FNDC3A: variants seen among roughly 807,000 people sequenced by gnomAD.
FNDC3A encodes the protein fibronectin type III domain containing 3A.
A neutral mutation model predicts 148.9 loss-of-function variants in FNDC3A; 32 were observed. The observed-to-expected ratio is 0.21, with a 90% CI of 0.16 to 0.29. The LOEUF (loss-of-function observed/expected upper bound fraction) is 0.29. FNDC3A is among the 10% of genes least tolerant of loss of function. The probability of loss-of-function intolerance (pLI) is 1.00; values close to 1 mark genes in which losing one functional copy is unlikely to be tolerated. For missense variants in FNDC3A, 1,191 were observed against 1,452.8 expected (o/e 0.82, Z 2.93); for synonymous variants, 472 against 473.6 (o/e 1.00, Z 0.04).
chr13:49,193,686 A>G (rs1886006284), intron 19 of FNDC3A, among the ~76,000 whole-genome samples: 1 of 152,202 alleles, frequency 6.6e-6, no homozygotes, highest in Non-Finnish European at 1.5e-5. Context: ...TTGGGAGGCC[A>G]AGGTGGGTGG....
chr13:49,117,634 G>A (rs1184426620), intron 4 of FNDC3A, among the ~76,000 whole-genome samples: 2 of 151,620 alleles, frequency 1.3e-5, no homozygotes, highest in East Asian at 1.9e-4. Flanking sequence ...TACTGAACAC[G>A]TACAGACTTT....
At chr13:48,979,150 A>G (rs1951655312) in intron 1 of FNDC3A, among the ~76,000 whole-genome samples, 1 of 152,030 alleles carries the variant, frequency 6.6e-6, no homozygotes, top group Non-Finnish European at 1.5e-5. Context: ...TTTTTCCTCC[A>G]AGATTGAGAA....
intron 2 of FNDC3A, among the ~76,000 whole-genome samples, chr13:49,018,719 C>G (rs1873036482): frequency 6.6e-6 from 1 of 152,262 alleles, no homozygotes; most frequent in Non-Finnish European, 1.5e-5. Flanking sequence ...TGTTCTTTCC[C>G]CATCTTTGTG....
At chr13:49,119,651 T>C (rs1188883047) in intron 4 of FNDC3A, among the ~76,000 whole-genome samples, 1 of 151,930 alleles carries the variant, frequency 6.6e-6, no homozygotes, top group Non-Finnish European at 1.5e-5. Context: ...ATAAATGACC[T>C]GATAGAGCTG....
intron 3 of FNDC3A, among the ~76,000 whole-genome samples, chr13:49,101,905 G>A (rs774579588): frequency 5.3e-5 from 8 of 151,284 alleles, no homozygotes; most frequent in Middle Eastern, 3.4e-3. Context: ...ACTTAACAGC[G>A]TGGTCCTTGG....
In FNDC3A at chr13:49,208,797, C is replaced by T. The variant is rs1288003132; in HGVS notation, c.*1402C>T. ...ATTTATTATTTGAATTTTAGGATAG[C>T]GAATCACTAATTTTTAGTTGCTGAG... On this transcript the variant is annotated 3_prime_UTR_variant, in exon 26 of 26. Transcript: ENST00000492622. 1 of 152,482 alleles carries T rather than the reference C, an allele frequency of 6.6e-6. No individual in the cohort carries two copies. The highest frequency in any genetic ancestry group is 6.5e-5 in the Admixed American group (1 of 15,282). The allele number at this position is 152,482 out of a possible 1,614,324, so 9.4% of individuals were successfully genotyped here. A position where few individuals can be genotyped will look rare whatever the true frequency, so the allele number is the denominator to read the frequency against.
At chr13:49,184,621 C>CTGAG (rs1491281171) in intron 14 of FNDC3A, among the ~76,000 whole-genome samples, 3 of 151,990 alleles carry the variant, frequency 2.0e-5, no homozygotes, top group African/African-American at 7.3e-5. Context: ...GAGGAGGAAG[C>CTGAG]CCTGAGCTTA....
At chr13:49,013,571 C>CGTGT in intron 2 of FNDC3A, among the ~76,000 whole-genome samples, 1 of 151,216 alleles carries the variant, frequency 6.6e-6, no homozygotes, top group African/African-American at 2.4e-5. Context: ...CACGTGTATA[C>CGTGT]ATGTACATGT....
intron 19 of FNDC3A, among the ~76,000 whole-genome samples, chr13:49,192,784 C>T (rs189634256): frequency 6.6e-6 from 1 of 152,246 alleles, no homozygotes; most frequent in Admixed American, 6.5e-5. Context: ...TAAATATTTA[C>T]TTTCCGTATT....
intron 3 of FNDC3A, 144 bp from the exon 4 acceptor site, chr13:49,114,511 A>G (rs563189434): frequency 2.5e-4 from 144 of 571,950 alleles, no homozygotes; most frequent in Admixed American, 7.9e-4. Context: ...TAACAAGTCA[A>G]TCATCTGAAT....
At chr13:49,017,500 C>T (rs1872897860) in intron 2 of FNDC3A, among the ~76,000 whole-genome samples, 1 of 152,122 alleles carries the variant, frequency 6.6e-6, no homozygotes, top group Non-Finnish European at 1.5e-5. Flanking sequence ...TGTGTCTCTG[C>T]ACATGAGATG....
At chr13:49,017,060 G>GA (rs1469533892) in intron 2 of FNDC3A, among the ~76,000 whole-genome samples, 2 of 152,024 alleles carry the variant, frequency 1.3e-5, no homozygotes, top group South Asian at 2.1e-4. Context: ...GTGTGGTGCT[G>GA]AAAAAAATGT....
intron 3 of FNDC3A, among the ~76,000 whole-genome samples, chr13:49,077,316 T>C (rs1188446354): frequency 6.6e-6 from 1 of 152,214 alleles, no homozygotes; most frequent in Non-Finnish European, 1.5e-5. Flanking sequence ...ATGAGGTGTC[T>C]GTATACTTTG....
intron 1 of FNDC3A, among the ~76,000 whole-genome samples, chr13:49,003,238 G>A (rs892957875): frequency 6.6e-6 from 1 of 151,906 alleles, no homozygotes; most frequent in African/African-American, 2.4e-5. Context: ...GTTAATTTTT[G>A]TATGTTTAGT....
intron 2 of FNDC3A, among the ~76,000 whole-genome samples, chr13:49,032,985 A>G (rs1874237755): frequency 6.6e-6 from 1 of 152,176 alleles, no homozygotes; most frequent in African/African-American, 2.4e-5. Context: ...TTATAAGACT[A>G]AGTATTATCA....
chr13:49,029,784 A>G (rs1426334686), intron 2 of FNDC3A, among the ~76,000 whole-genome samples: 4 of 152,234 alleles, frequency 2.6e-5, no homozygotes, highest in Admixed American at 2.0e-4. Context: ...AGTAGACATT[A>G]CTACAGATCT....
intron 3 of FNDC3A, among the ~76,000 whole-genome samples, chr13:49,099,395 GAACT>G (rs1428920863): frequency 1.3e-5 from 2 of 152,064 alleles, no homozygotes; most frequent in Non-Finnish European, 2.9e-5. Context: ...AAAGGACTGG[GAACT>G]AACTCCTTTC....
chr13:49,034,415 G>C, intron 2 of FNDC3A, among the ~76,000 whole-genome samples: 1 of 151,922 alleles, frequency 6.6e-6, no homozygotes, highest in Non-Finnish European at 1.5e-5. Context: ...CTTGTCATTT[G>C]GGTAATTTGT....
chr13:49,073,875 T>C (rs1023915011), intron 2 of FNDC3A, among the ~76,000 whole-genome samples: 2 of 148,732 alleles, frequency 1.3e-5, no homozygotes, highest in African/African-American at 4.9e-5. Flanking sequence ...CATATATACA[T>C]ATTCCTTAAT....
Sources: allele counts gnomAD v4.1 joint callset (sites outside exome capture counted in the v4.1 genomes callset), GRCh38; gene constraint gnomAD v4.1.1; transcripts MANE v1.5; gene names NCBI Gene and HGNC (gene_info 2026-07-23, HGNC 2026-07-21).